Variants in CA8 observed in about 807,000 individuals in gnomAD.
CA8 encodes the protein carbonic anhydrase-related protein.
Under a neutral mutation model 41.4 loss-of-function variants are expected in CA8, and 22 were observed. The ratio of observed to expected loss-of-function variants is 0.53; its 90% CI spans 0.38 to 0.76. The LOEUF is 0.76. Among genes scored for constraint, CA8 ranks in the 30% least tolerant of loss-of-function variants. CA8 has a pLI of 0.00. For missense variants in CA8, 270 were observed against 352.8 expected (o/e 0.77, Z 1.88); for synonymous variants, 121 against 130.6 (o/e 0.93, Z 0.50).
chr8:60,236,422 T>G (rs564047161), intron 3 of CA8, among the ~76,000 whole-genome samples: 36 of 152,286 alleles, frequency 2.4e-4, no homozygotes, highest in Admixed American at 3.9e-4. Flanking sequence ...CTCCCTCTGT[T>G]TCTCTCTCTT....
intron 7 of CA8, among the ~76,000 whole-genome samples, chr8:60,218,701 T>C (rs1807116757): frequency 6.6e-6 from 1 of 152,186 alleles, no homozygotes. Flanking sequence ...CATCTAAGAC[T>C]TTGGCTATCT....
At chr8:60,259,782 A>G (rs1803671474) in intron 3 of CA8, among the ~76,000 whole-genome samples, 1 of 151,694 alleles carries the variant, frequency 6.6e-6, no homozygotes, top group East Asian at 1.9e-4. Context: ...AGATTCTGCA[A>G]TCATGACTTC....
chr8:60,232,862 T>G (rs939672827), intron 3 of CA8, among the ~76,000 whole-genome samples: 1 of 151,904 alleles, frequency 6.6e-6, no homozygotes, highest in Non-Finnish European at 1.5e-5. Flanking sequence ...TATTCAGAGA[T>G]AGCATCCTGG....
At chr8:60,255,908 A>AC (rs1554524863) in intron 3 of CA8, among the ~76,000 whole-genome samples, 30 of 143,344 alleles carry the variant, frequency 2.1e-4, no homozygotes, top group Non-Finnish European at 4.6e-5. Context: ...TACGCTATTA[A>AC]TTTTTTTTTT....
chr8:60,273,513 G>A (rs139242431), intron 2 of CA8, among the ~76,000 whole-genome samples: 13 of 152,316 alleles, frequency 8.5e-5, no homozygotes, highest in Admixed American at 4.6e-4. Context: ...AAAAGAAGAC[G>A]AACAAAGTAG....
chr8:60,258,907 G>A (rs1486868031), intron 3 of CA8, among the ~76,000 whole-genome samples: 1 of 152,144 alleles, frequency 6.6e-6, no homozygotes, highest in African/African-American at 2.4e-5. Context: ...TTCCTAACAG[G>A]CCAGGTACCA....
intron 3 of CA8, among the ~76,000 whole-genome samples, chr8:60,234,352 G>A (rs1807758965): frequency 1.3e-5 from 2 of 152,160 alleles, no homozygotes; most frequent in African/African-American, 4.8e-5. Context: ...TGAGATCCCA[G>A]AACAGAAGAA....
intron 3 of CA8, among the ~76,000 whole-genome samples, chr8:60,246,873 C>T (rs1204586533): frequency 3.7e-5 from 5 of 135,058 alleles, no homozygotes; most frequent in African/African-American, 5.9e-5. Flanking sequence ...AAATAATAAC[C>T]ACTTTTTTTT....
At chr8:60,203,109 G>A (rs552679690) in intron 8 of CA8, among the ~76,000 whole-genome samples, 1 of 152,138 alleles carries the variant, frequency 6.6e-6, no homozygotes, top group Non-Finnish European at 1.5e-5. Flanking sequence ...TTGGGAAAAA[G>A]ACTTCATGGA....
intron 7 of CA8, among the ~76,000 whole-genome samples, chr8:60,210,148 C>G (rs1314754305): frequency 6.6e-6 from 1 of 152,190 alleles, no homozygotes; most frequent in African/African-American, 2.4e-5. Flanking sequence ...AATTCCAAGT[C>G]TACCTGCTCT....
At position 60,232,331 on chromosome 8, in the gene CA8, C is replaced by A. The variant is rs1394592800; in HGVS notation, c.466G>T (p.Ala156Ser). ...NSTLFGSIDE[A>S]VGKPHGIAII... Reference sequence around the variant, plus strand: ...GCGATTCCGTGCGGCTTCCCCACAGCCTCATCAATGCTGCCAAACAGAGTG... The same window carrying A: ...GCGATTCCGTGCGGCTTCCCCACAGACTCATCAATGCTGCCAAACAGAGTG... Residue 156 changes from alanine to serine, a missense_variant, in exon 4 of 9, where the codon GCT (alanine) becomes TCT (serine). This residue lies in a region of CA8 where 141 missense variants were observed against 191.6 expected (regional missense o/e 0.74). Transcript: ENST00000317995. 6.2e-7 allele frequency: 1 copy of A among 1,614,094 alleles called. No individual in the cohort carries two copies. The highest frequency in any genetic ancestry group is 1.3e-5 in the African/African-American group (1 of 75,042).
intron 3 of CA8, among the ~76,000 whole-genome samples, chr8:60,235,137 G>A (rs540050744): frequency 6.6e-5 from 10 of 152,132 alleles, no homozygotes; most frequent in Non-Finnish European, 1.5e-4. Flanking sequence ...GCACTGACTG[G>A]GTGGCTTAAA....
At chr8:60,233,695 C>T (rs1242560117) in intron 3 of CA8, among the ~76,000 whole-genome samples, 3 of 152,222 alleles carry the variant, frequency 2.0e-5, no homozygotes, top group Admixed American at 6.5e-5. Flanking sequence ...AAACCACCAA[C>T]AAAGAAGGTC....
chr8:60,276,019 A>C (rs1362298218), intron 2 of CA8, among the ~76,000 whole-genome samples: 1 of 152,216 alleles, frequency 6.6e-6, no homozygotes, highest in Non-Finnish European at 1.5e-5. Context: ...AAGTATAATA[A>C]AGACACTTAC....
intron 8 of CA8, among the ~76,000 whole-genome samples, chr8:60,203,935 A>C (rs547123749): frequency 1.4e-4 from 22 of 152,306 alleles, no homozygotes; most frequent in Non-Finnish European, 2.9e-4. Context: ...ATCATAAACC[A>C]GGGAACTATA....
chr8:60,241,788 A>T (rs1395669627), intron 3 of CA8, among the ~76,000 whole-genome samples: 8 of 151,654 alleles, frequency 5.3e-5, no homozygotes. Flanking sequence ...AGCTGCAATT[A>T]AATTGCTATA....
intron 7 of CA8, among the ~76,000 whole-genome samples, chr8:60,218,777 A>G (rs981849595): frequency 1.3e-5 from 2 of 152,174 alleles, no homozygotes; most frequent in African/African-American, 2.4e-5. Context: ...AATGCAGAGG[A>G]AAGTTTGATG....
chr8:60,265,887 GA>G (rs759620390), intron 3 of CA8, 37 bp downstream of exon 3: 2 of 1,608,170 alleles, frequency 1.2e-6, no homozygotes, highest in East Asian at 4.5e-5. Flanking sequence ...ACTTTATTCA[GA>G]AAACAAGATT....
At chr8:60,230,210 C>T (rs972251650) in intron 4 of CA8, among the ~76,000 whole-genome samples, 8 of 152,158 alleles carry the variant, frequency 5.3e-5, no homozygotes, top group Non-Finnish European at 1.2e-4. Context: ...TCCTCCTGGC[C>T]CTCTGTTTTG....
Sources: allele counts gnomAD v4.1 joint callset (sites outside exome capture counted in the v4.1 genomes callset), GRCh38; gene constraint gnomAD v4.1.1; regional missense constraint gnomAD v4.1.1; transcripts MANE v1.5; gene names NCBI Gene and HGNC (gene_info 2026-07-23, HGNC 2026-07-21).